The following VAV2 variants were observed in gnomAD, a reference collection of about 807,000 sequenced individuals.
VAV2 encodes vav guanine nucleotide exchange factor 2, also known as guanine nucleotide exchange factor VAV2.
VAV2 carries 67 observed loss-of-function variants against 132.5 expected under a neutral mutation model. That is an observed-to-expected ratio of 0.51 (90% confidence interval 0.42 to 0.62). VAV2 has a LOEUF of 0.62. VAV2 is among the 20% of genes least tolerant of loss of function. The pLI, the probability that VAV2 is intolerant of heterozygous loss-of-function variation, is 0.00. For missense variants in VAV2, 938 were observed against 1,153.6 expected (o/e 0.81, Z 2.71); for synonymous variants, 492 against 443.5 (o/e 1.11, Z -1.37).
At chr9:133,779,879 C>G (rs200506559) in intron 21 of VAV2, 39 bp downstream of exon 21, 2 of 1,605,564 alleles carry the variant, frequency 1.2e-6, no homozygotes, top group African/African-American at 2.7e-5. Context: ...TGATGGCTGA[C>G]ATGGGTGATA....
chr9:133,862,762 C>G (rs1837649063), intron 2 of VAV2, among the ~76,000 whole-genome samples: 1 of 152,244 alleles, frequency 6.6e-6, no homozygotes, highest in Non-Finnish European at 1.5e-5. Context: ...ATTTGCTAGA[C>G]AGGAAAACCG....
At chr9:133,941,615 G>A (rs796386686) in intron 1 of VAV2, among the ~76,000 whole-genome samples, 3 of 149,124 alleles carry the variant, frequency 2.0e-5, no homozygotes, top group Admixed American at 1.3e-4. Flanking sequence ...TTTTGGGGGG[G>A]GGGGGGGACG....
chr9:133,845,541 C>T (rs976881386), intron 3 of VAV2, among the ~76,000 whole-genome samples: 4 of 152,136 alleles, frequency 2.6e-5, no homozygotes, highest in African/African-American at 9.7e-5. Flanking sequence ...GCCCTCTTCC[C>T]CCTCCCTGCA....
At chr9:133,803,522 C>A (rs541064996) in intron 9 of VAV2, among the ~76,000 whole-genome samples, 13 of 152,246 alleles carry the variant, frequency 8.5e-5, no homozygotes, top group African/African-American at 3.1e-4. Flanking sequence ...CTGCAGAATG[C>A]AAGCTCCTTC....
chr9:133,942,421 T>TA (rs1360750237), intron 1 of VAV2, among the ~76,000 whole-genome samples: 1 of 152,194 alleles, frequency 6.6e-6, no homozygotes, highest in Non-Finnish European at 1.5e-5. Flanking sequence ...TTCTGCTGCT[T>TA]AAAGCCACCA....
At position 133,774,979 on chromosome 9, in the gene VAV2, G is replaced by A. The variant is rs1833763014; in HGVS notation, c.2091C>T (p.Ile697=). 6.2e-7 allele frequency: 1 copy of A among 1,613,450 alleles called. No individual in the cohort carries two copies. The highest frequency in any genetic ancestry group is 1.3e-5 in the African/African-American group (1 of 74,918). ...GCTCAGCCTCGGCAGGCCGCTCCCT[G>A]ATCAGGTAGGTCCCGCTGGCGTGGG... ...LKSHASGTYL[I]RERPAEAERF... is the part of the protein sequence containing the mutation. The change falls in exon 25 of 30, where the codon ATC becomes ATT. Residue 697 remains isoleucine, a synonymous_variant. Coordinates refer to ENST00000371850, the MANE Select transcript of VAV2 (RefSeq NM_001134398.2).
At chr9:133,858,199 C>A (rs983630373) in intron 3 of VAV2, among the ~76,000 whole-genome samples, 1 of 152,168 alleles carries the variant, frequency 6.6e-6, no homozygotes, top group Non-Finnish European at 1.5e-5. Context: ...GGCCACGCAG[C>A]GTATGCTCAC....
At chr9:133,911,924 CT>C (rs1051520944) in intron 2 of VAV2, among the ~76,000 whole-genome samples, 4 of 151,914 alleles carry the variant, frequency 2.6e-5, no homozygotes, top group African/African-American at 4.8e-5. Context: ...GTCAGATTTT[CT>C]TTTTTTTTAT....
intron 7 of VAV2, 105 bp from the exon 8 acceptor site, chr9:133,807,431 G>A: frequency 8.4e-7 from 1 of 1,189,738 alleles, no homozygotes; most frequent in South Asian, 1.6e-5. Flanking sequence ...GCAGGCACTG[G>A]GGTGCTCCAT....
intron 29 of VAV2, among the ~76,000 whole-genome samples, chr9:133,766,755 AATAAATATAT>A (rs1161057318): frequency 1.2e-3 from 35 of 29,526 alleles, no homozygotes; most frequent in African/African-American, 4.3e-3. Flanking sequence ...TTAAAGTATA[AATAAATATAT>A]ATATATATAT....
In VAV2 at chr9:133,809,089, A is replaced by G; in HGVS notation, c.617T>C (p.Ile206Thr). The G allele has an allele frequency of 6.2e-7, 1 of 1,613,922 alleles. No homozygotes were observed. The change falls in exon 7 of 30, where the codon ATC (isoleucine) becomes ACC (threonine). Residue 206 changes from isoleucine to threonine, a missense_variant. Physicochemically the swap from Ile to Thr is moderately conservative, Grantham distance 89. Transcript: ENST00000371850. ...DDKRNCCLLE[I>T]QETEAKYYRT... ...GTAGTACTTGGCCTCGGTCTCCTGG[A>G]TCTCCAGCAGGCAGCAGTTCCTCTT...
chr9:133,777,459 C>T lies in VAV2; in HGVS notation c.1895G>A (p.Arg632His), dbSNP rs780462649. 1.3e-5 allele frequency: 21 copies of T among 1,613,462 alleles called. No individual in the cohort carries two copies. The highest frequency in any genetic ancestry group is 9.3e-5 in the African/African-American group (7 of 74,908). Reference protein sequence around the residue: ...GDPESPWWEGRLVQTRKSGYF... With the variant: ...GDPESPWWEGHLVQTRKSGYF... Reference sequence around the variant, plus strand: ...CCCTGACTTCCTGGTTTGTACCAGACGACCCTGGCAGAGGAAAGAGATGGT... The same window carrying T: ...CCCTGACTTCCTGGTTTGTACCAGATGACCCTGGCAGAGGAAAGAGATGGT... Residue 632 changes from arginine to histidine, a missense_variant, in exon 23 of 30, where the codon CGT becomes CAT. Arg to His is a conservative substitution (Grantham distance 29). Coordinates refer to ENST00000371850, the MANE Select transcript of VAV2 (RefSeq NM_001134398.2).
Position 133,788,232 on chromosome 9 carries a change from A to ACCCCCC in VAV2, c.1407+121_1407+122insGGGGGG. On this transcript the variant is annotated intron_variant, in intron 15 of 29. Transcript: ENST00000371850. The surrounding 1 kb of genome is among the most constrained non-coding windows in gnomAD (Gnocchi z 5.3). ...CTGCAGAGCGGAGACGCCCACCCCA[A>ACCCCCC]CCCACCCGGCCAGCATCAGCGGCTG... 15 of 615,288 alleles carry ACCCCCC rather than the reference A, an allele frequency of 2.4e-5. No homozygotes were observed. The highest frequency in any genetic ancestry group is 3.5e-5 in the Non-Finnish European group (13 of 369,386). 38.1% of individuals were successfully genotyped at this position (615,288 alleles called of 1,614,324 possible). A position where few individuals can be genotyped will look rare whatever the true frequency, so the allele number is the denominator to read the frequency against.
chr9:133,893,429 G>T lies in VAV2; in HGVS notation c.322-31997C>A, dbSNP rs533077509. On this transcript the variant is annotated intron_variant, in intron 2 of 29. Transcript: ENST00000371850. ...AGCGCCACGGTGGGGCAGCGTGGAG[G>T]AGGAGGCCCTAGCGACAACTCTGGG... Among the ~76,000 whole-genome samples, 7 of 152,350 alleles carry T rather than the reference G, an allele frequency of 4.6e-5. No individual in the cohort carries two copies. In the South Asian group the frequency reaches 1.2e-3, roughly 27 times the overall value.
intron 8 of VAV2, 33 bp downstream of exon 8, chr9:133,807,225 C>A (rs755767030): frequency 6.2e-7 from 1 of 1,600,962 alleles, no homozygotes; most frequent in Non-Finnish European, 8.5e-7. Context: ...GGGCCCCGAG[C>A]CTGGCATGAG....
At chr9:133,933,123 G>A (rs1270173671) in intron 2 of VAV2, among the ~76,000 whole-genome samples, 1 of 152,248 alleles carries the variant, frequency 6.6e-6, no homozygotes, top group Non-Finnish European at 1.5e-5. Flanking sequence ...TCTCATTCAC[G>A]TTAGTGTCCC....
rs1221333828 is a variant in VAV2 at position 133,840,157 on chromosome 9, G to A, written c.381-5817C>T. On this transcript the variant is annotated intron_variant, in intron 3 of 29. Coordinates refer to ENST00000371850, the MANE Select transcript of VAV2 (RefSeq NM_001134398.2). This position sits in a 1 kb window ranked among gnomAD's most constrained non-coding sequence, Gnocchi z 4.5. ...CTATCCAGAAGTTGTCCTGAGAGCA[G>A]TCATCCTGGCTCCCCAGGGGCGGCT... Among the ~76,000 whole-genome samples the A allele has an allele frequency of 6.6e-6, 1 of 152,246 alleles. No homozygotes were observed. Among genetic ancestry groups the A allele is most frequent in the East Asian group, 1.9e-4 (1 of 5,196 alleles).
chr9:133,870,165 C>A (rs548647838), intron 2 of VAV2, among the ~76,000 whole-genome samples: 1 of 152,144 alleles, frequency 6.6e-6, no homozygotes, highest in Non-Finnish European at 1.5e-5. Context: ...AAAACAAAAG[C>A]GAGCAGGAAA....
chr9:133,973,016 G>A (rs1842390603), intron 1 of VAV2, among the ~76,000 whole-genome samples: 1 of 152,106 alleles, frequency 6.6e-6, no homozygotes, highest in South Asian at 2.1e-4. Flanking sequence ...GGAAGCCGTT[G>A]CCTGGAACAC....
Sources: gnomAD v4.1 joint callset for allele counts (sites outside exome capture counted in the v4.1 genomes callset) on GRCh38, gnomAD v4.1.1 for gene constraint, Gnocchi (gnomAD v3.1) non-coding constraint, MANE v1.5 for transcripts, NCBI Gene and HGNC (gene_info 2026-07-23, HGNC 2026-07-21) for gene names.